The following IFTAP variants were observed in gnomAD, a reference collection of about 807,000 sequenced individuals.
IFTAP encodes the protein intraflagellar transport-associated protein.
In IFTAP, 19 loss-of-function variants were observed where a neutral mutation model predicts 19.4. The ratio of observed to expected loss-of-function variants is 0.98; its 90% CI spans 0.68 to 1.44. The LOEUF is 1.44. Among genes scored for constraint, IFTAP ranks in the 40% most tolerant of loss-of-function variants. IFTAP has a pLI of 0.00. For missense variants in IFTAP, 240 were observed against 253.6 expected, an observed-to-expected ratio of 0.95 and a Z score of 0.36; for synonymous variants, 85 against 83.5, an observed-to-expected ratio of 1.02 and a Z score of -0.10.
chr11:36,632,954 A>T (rs1012417044), intron 2 of IFTAP, among the ~76,000 whole-genome samples: 1 of 151,174 alleles, frequency 6.6e-6, no homozygotes, highest in Admixed American at 6.6e-5. Context: ...AAAGAAAAAA[A>T]TCCCTCAAAT....
chr11:36,656,890 G>C (rs571239837), intron 5 of IFTAP, among the ~76,000 whole-genome samples: 7 of 152,220 alleles, frequency 4.6e-5, no homozygotes, highest in Admixed American at 1.3e-4. Context: ...ACAGCAAACG[G>C]ATTTGTCTAA....
At chr11:36,626,955 A>G (rs756858916) in intron 2 of IFTAP, among the ~76,000 whole-genome samples, 1 of 151,224 alleles carries the variant, frequency 6.6e-6, no homozygotes, top group Non-Finnish European at 1.5e-5. Flanking sequence ...ATGTTTATCA[A>G]CTGGTGAATG....
chr11:36,599,950 A>T (rs1417971520), intron 1 of IFTAP, among the ~76,000 whole-genome samples: 1 of 152,228 alleles, frequency 6.6e-6, no homozygotes, highest in Non-Finnish European at 1.5e-5. Context: ...ATAGATTTAG[A>T]TGTGTTTTAG....
chr11:36,651,211 G>T (rs1281771909), intron 5 of IFTAP, among the ~76,000 whole-genome samples: 2 of 152,070 alleles, frequency 1.3e-5, no homozygotes, highest in Non-Finnish European at 2.9e-5. Flanking sequence ...ATCCTCTCCA[G>T]CATCTGTTGT....
intron 1 of IFTAP, among the ~76,000 whole-genome samples, chr11:36,608,056 C>T (rs1463494993): frequency 1.3e-5 from 2 of 152,160 alleles, no homozygotes; most frequent in Non-Finnish European, 2.9e-5. Context: ...AGCTATTTGA[C>T]AGAATAGGCT....
intron 4 of IFTAP, among the ~76,000 whole-genome samples, chr11:36,640,581 T>G (rs1853157559): frequency 6.6e-6 from 1 of 152,174 alleles, no homozygotes; most frequent in Non-Finnish European, 1.5e-5. Context: ...ACTGACAAAC[T>G]ATATTTCTCA....
rs199873596 is a variant in IFTAP at position 36,622,083 on chromosome 11, A to ATTTTTTTTTTT, written c.137-11195_137-11194insTTTTTTTTTTT. On this transcript the variant is annotated intron_variant, in intron 2 of 5. Transcript: ENST00000334307. ...TTATTTTACTTTAAGCTCTTGTTCT[A>ATTTTTTTTTTT]TTTTTTATTTTTTTTTTTGTGAAGG... Among the ~76,000 whole-genome samples the ATTTTTTTTTTT allele has an allele frequency of 4.1e-4, 56 of 138,184 alleles. 1 individual carries two copies. Among genetic ancestry groups the ATTTTTTTTTTT allele is most frequent in the African/African-American group, 5.9e-4 (21 of 35,758 alleles). 90.7% of individuals were successfully genotyped at this position (138,184 alleles called of 152,430 possible). A position where few individuals can be genotyped will look rare whatever the true frequency, so the allele number is the denominator to read the frequency against.
At chr11:36,639,153 A>G (rs1210420834) in intron 4 of IFTAP, among the ~76,000 whole-genome samples, 1 of 151,964 alleles carries the variant, frequency 6.6e-6, no homozygotes, top group Non-Finnish European at 1.5e-5. Context: ...TGTGCTGAGG[A>G]CATTAGAATA....
At chr11:36,596,478 G>A (rs868446237) in intron 1 of IFTAP, among the ~76,000 whole-genome samples, 14 of 152,220 alleles carry the variant, frequency 9.2e-5, no homozygotes, top group Non-Finnish European at 7.4e-5. Context: ...AATCTAGGCA[G>A]TGTTTTATTT....
intron 5 of IFTAP, among the ~76,000 whole-genome samples, chr11:36,654,393 G>T (rs1391902562): frequency 6.6e-6 from 1 of 151,838 alleles, no homozygotes; most frequent in Non-Finnish European, 1.5e-5. Flanking sequence ...ACAATGTGCA[G>T]GTTTGTTACA....
chr11:36,602,831 T>TA (rs67981769), intron 1 of IFTAP, among the ~76,000 whole-genome samples: 46 of 148,394 alleles, frequency 3.1e-4, no homozygotes, highest in South Asian at 1.3e-3. Flanking sequence ...TCTAAATGAT[T>TA]AAAAAAAAAA....
chr11:36,637,871 TTTG>T (rs1207992429), intron 4 of IFTAP, among the ~76,000 whole-genome samples: 3 of 150,128 alleles, frequency 2.0e-5, no homozygotes, highest in Non-Finnish European at 4.4e-5. Flanking sequence ...AGATCTGATT[TTTG>T]TTATGTCAAT....
chr11:36,613,830 C>G (rs1177819511), intron 2 of IFTAP, among the ~76,000 whole-genome samples: 1 of 151,928 alleles, frequency 6.6e-6, no homozygotes, highest in Non-Finnish European at 1.5e-5. Flanking sequence ...TCTCTATCTC[C>G]TTTAAACACT....
At chr11:36,654,425 G>T (rs955721834) in intron 5 of IFTAP, among the ~76,000 whole-genome samples, 1 of 151,966 alleles carries the variant, frequency 6.6e-6, no homozygotes, top group Non-Finnish European at 1.5e-5. Flanking sequence ...GTGCCATGTT[G>T]GTGTGCTGCA....
intron 1 of IFTAP, among the ~76,000 whole-genome samples, chr11:36,601,293 A>G: frequency 6.6e-6 from 1 of 152,208 alleles, no homozygotes; most frequent in Non-Finnish European, 1.5e-5. Context: ...GAATTCCACA[A>G]TAGGAGCCAC....
intron 4 of IFTAP, among the ~76,000 whole-genome samples, chr11:36,647,123 C>T (rs1178474790): frequency 6.6e-6 from 1 of 152,058 alleles, no homozygotes; most frequent in Non-Finnish European, 1.5e-5. Context: ...TCAAGTCATG[C>T]TTGTTATTAA....
intron 2 of IFTAP, 147 bp downstream of exon 2, chr11:36,610,386 T>A: frequency 1.4e-6 from 1 of 708,570 alleles, no homozygotes; most frequent in Non-Finnish European, 2.3e-6. Flanking sequence ...CACTCGTGAC[T>A]GATGCCCTAA....
chr11:36,656,664 G>C (rs1009871096), intron 5 of IFTAP, among the ~76,000 whole-genome samples: 2 of 151,950 alleles, frequency 1.3e-5, no homozygotes, highest in Admixed American at 1.3e-4. Context: ...AGCAAAGCAC[G>C]TGATACTGAA....
intron 2 of IFTAP, among the ~76,000 whole-genome samples, chr11:36,623,995 G>GTA (rs57990971): frequency 0.034 from 5,025 of 148,744 alleles, 101 homozygotes; most frequent in African/African-American, 0.037. Flanking sequence ...ATATATGTGT[G>GTA]TATATATATA....
Sources: gnomAD v4.1 joint callset for allele counts (sites outside exome capture counted in the v4.1 genomes callset) on GRCh38, gnomAD v4.1.1 for gene constraint, MANE v1.5 for transcripts, NCBI Gene and HGNC (gene_info 2026-07-23, HGNC 2026-07-21) for gene names.